The following ADAMTSL1 variants were observed in gnomAD, a reference collection of about 807,000 sequenced individuals.
The protein encoded by ADAMTSL1 is ADAMTS-like protein 1.
In ADAMTSL1, 126 loss-of-function variants were observed where a neutral mutation model predicts 201.8. That is an observed-to-expected ratio of 0.62 (90% CI 0.54 to 0.72). The LOEUF (loss-of-function observed/expected upper bound fraction) is 0.72. Ranked by LOEUF, ADAMTSL1 falls within the 30% of genes least tolerant of loss-of-function variation. The probability of loss-of-function intolerance (pLI) is 0.00; values close to 1 mark genes in which losing one functional copy is unlikely to be tolerated. For missense variants in ADAMTSL1, 2,679 were observed against 2,277.8 expected (o/e 1.18, Z -3.59); for synonymous variants, 1,121 against 903.4 (o/e 1.24, Z -4.32).
chr9:18,314,015 G>A (rs1418325147), intron 2 of ADAMTSL1, among the ~76,000 whole-genome samples: 1 of 151,976 alleles, frequency 6.6e-6, no homozygotes, highest in South Asian at 2.1e-4. Context: ...AAAAAAAATG[G>A]GCAAAGGACT....
intron 2 of ADAMTSL1, among the ~76,000 whole-genome samples, chr9:18,175,746 C>A (rs1400954687): frequency 6.6e-6 from 1 of 152,040 alleles, no homozygotes; most frequent in Non-Finnish European, 1.5e-5. Flanking sequence ...CTCAGGGTGG[C>A]CTTGTCTCTC....
intron 15 of ADAMTSL1, chr9:18,722,918 AT>A: frequency 1.4e-6 from 1 of 717,976 alleles, no homozygotes; most frequent in Non-Finnish European, 2.6e-6. Context: ...CTGGTTCCAC[AT>A]TTCTGTCCTA....
chr9:18,796,103 C>T (rs925701571), intron 20 of ADAMTSL1, among the ~76,000 whole-genome samples: 1 of 152,190 alleles, frequency 6.6e-6, no homozygotes, highest in Non-Finnish European at 1.5e-5. Flanking sequence ...AAGAACATTG[C>T]AACTCAGAGT....
chr9:18,706,978 G>A lies in ADAMTSL1; in HGVS notation c.1806G>A (p.Leu602=). Residue 602 remains leucine, a synonymous_variant, in exon 14 of 29, where the codon CTG becomes CTA. Transcript: ENST00000380548. ...AGACAGATGGGCTCTTTGGTGGCCTGCAGGATTTCGACGAGCTGTATGACT... is the reference window on the plus strand; with the variant it reads ...AGACAGATGGGCTCTTTGGTGGCCTACAGGATTTCGACGAGCTGTATGACT... ...PDETDGLFGG[L]QDFDELYDWE... The A allele has an allele frequency of 1.2e-6, 2 of 1,613,970 alleles. No individual in the cohort carries two copies. The highest frequency in any genetic ancestry group is 1.7e-6 in the Non-Finnish European group (2 of 1,179,886).
chr9:18,333,377 C>T (rs1835107745), intron 2 of ADAMTSL1, among the ~76,000 whole-genome samples: 1 of 152,146 alleles, frequency 6.6e-6, no homozygotes, highest in Non-Finnish European at 1.5e-5. Context: ...TGCTGGCACT[C>T]ATTCTCTCTC....
chr9:18,036,307 T>A (rs1403033223), intron 1 of ADAMTSL1, among the ~76,000 whole-genome samples: 2 of 152,156 alleles, frequency 1.3e-5, no homozygotes, highest in Non-Finnish European at 2.9e-5. Context: ...TCTATGGAAT[T>A]TTCACTTTTC....
intron 14 of ADAMTSL1, among the ~76,000 whole-genome samples, chr9:18,714,168 C>T (rs1441824893): frequency 2.0e-5 from 3 of 151,906 alleles, no homozygotes; most frequent in South Asian, 4.2e-4. Flanking sequence ...AAATTGACAC[C>T]CTAACATCAC....
At chr9:18,315,832 G>A (rs1416215735) in intron 2 of ADAMTSL1, among the ~76,000 whole-genome samples, 2 of 152,212 alleles carry the variant, frequency 1.3e-5, no homozygotes, top group African/African-American at 4.8e-5. Context: ...GGACACCAAG[G>A]CCAAGGAGGC....
At chr9:17,979,970 G>A (rs1262277998) in intron 1 of ADAMTSL1, among the ~76,000 whole-genome samples, 2 of 152,076 alleles carry the variant, frequency 1.3e-5, no homozygotes, top group Admixed American at 6.6e-5. Flanking sequence ...GCTTGGAACC[G>A]TGGAAACCAG....
chr9:18,173,590 A>T (rs1176084017), intron 2 of ADAMTSL1, among the ~76,000 whole-genome samples: 2 of 152,124 alleles, frequency 1.3e-5, no homozygotes, highest in Non-Finnish European at 2.9e-5. Flanking sequence ...ATTTGCTAGG[A>T]TTCTGCCATT....
At position 18,173,334 on chromosome 9, in the gene ADAMTSL1, C is replaced by A. The variant is rs867079475; in HGVS notation, c.207+9353C>A. Among the ~76,000 whole-genome samples the A allele has an allele frequency of 3.1e-4, 47 of 152,110 alleles. 1 individual carries two copies. The highest frequency in any genetic ancestry group is 9.9e-4 in the African/African-American group (41 of 41,522). ...CCTCACAATATAATTAAGCAATAGT[C>A]AAAAGTATGACAGCAGAACCCAACA... On this transcript the variant is annotated intron_variant, in intron 2 of 29. Coordinates refer to the ADAMTSL1 transcript ENST00000680146.
At chr9:18,732,608 G>T (rs1274135689) in intron 15 of ADAMTSL1, among the ~76,000 whole-genome samples, 1 of 152,188 alleles carries the variant, frequency 6.6e-6, no homozygotes, top group Non-Finnish European at 1.5e-5. Context: ...CTGGGATAAG[G>T]CAGGAAGAAA....
chr9:18,089,855 C>G (rs530850359), intron 1 of ADAMTSL1, among the ~76,000 whole-genome samples: 1 of 152,210 alleles, frequency 6.6e-6, no homozygotes, highest in African/African-American at 2.4e-5. Flanking sequence ...CTATAGTTAA[C>G]GATATTGAGT....
intron 19 of ADAMTSL1, among the ~76,000 whole-genome samples, chr9:18,779,640 T>A (rs1157969046): frequency 6.6e-6 from 1 of 152,228 alleles, no homozygotes; most frequent in East Asian, 1.9e-4. Context: ...CATACTTTCC[T>A]TAATCAGCTT....
intron 14 of ADAMTSL1, among the ~76,000 whole-genome samples, chr9:18,712,687 C>G (rs1450376305): frequency 6.6e-6 from 1 of 151,342 alleles, no homozygotes; most frequent in Non-Finnish European, 1.5e-5. Context: ...AGGATATTAT[C>G]CAGGAGAACT....
At chr9:17,918,377 ATTTC>A (rs1188097471) in intron 1 of ADAMTSL1, among the ~76,000 whole-genome samples, 2 of 149,064 alleles carry the variant, frequency 1.3e-5, no homozygotes, top group Non-Finnish European at 3.0e-5. Context: ...ATAACCTTTT[ATTTC>A]TTCTTTGACT....
intron 4 of ADAMTSL1, among the ~76,000 whole-genome samples, chr9:18,584,338 T>A (rs777057995): frequency 6.6e-6 from 1 of 151,190 alleles, no homozygotes; most frequent in Non-Finnish European, 1.5e-5. Flanking sequence ...ATGTGAGATG[T>A]CCCTGTCACC....
chr9:18,216,390 G>C (rs942010016), intron 2 of ADAMTSL1, among the ~76,000 whole-genome samples: 1 of 152,206 alleles, frequency 6.6e-6, no homozygotes, highest in Non-Finnish European at 1.5e-5. Context: ...TATAGCTGTT[G>C]ATCAGGCAGC....
chr9:18,791,788 G>A (rs184844980), intron 19 of ADAMTSL1, among the ~76,000 whole-genome samples: 30 of 152,140 alleles, frequency 2.0e-4, no homozygotes, highest in Non-Finnish European at 3.7e-4. Context: ...CTATACAAAC[G>A]CTAAATCTCA....
Sources: gnomAD v4.1 joint callset for allele counts (sites outside exome capture counted in the v4.1 genomes callset) on GRCh38, gnomAD v4.1.1 for gene constraint, MANE v1.5 for transcripts, NCBI Gene and HGNC (gene_info 2026-07-23, HGNC 2026-07-21) for gene names.